Variants in CASS4 observed in about 807,000 individuals in gnomAD.
CASS4 encodes Cas scaffold protein family member 4.
In CASS4, 22 loss-of-function variants were observed where a neutral mutation model predicts 54.2. The ratio of observed to expected loss-of-function variants is 0.41; its 90% CI spans 0.29 to 0.58. The LOEUF is 0.58. Among genes scored for constraint, CASS4 ranks in the 20% least tolerant of loss-of-function variants. CASS4 has a pLI of 0.36. For synonymous variants in CASS4, 409 were observed against 391.5 expected, an observed-to-expected ratio of 1.04 and a Z score of -0.53; for missense variants, 854 against 986.7, an observed-to-expected ratio of 0.87 and a Z score of 1.80.
chr20:56,456,146 C>G (rs946519699), intron 5 of CASS4, among the ~76,000 whole-genome samples: 4 of 151,954 alleles, frequency 2.6e-5, no homozygotes, highest in Non-Finnish European at 5.9e-5. Context: ...CGTTGGCCAC[C>G]GGGTGGACAG....
intron 2 of CASS4, among the ~76,000 whole-genome samples, chr20:56,438,793 G>A (rs1294341713): frequency 6.6e-6 from 1 of 152,236 alleles, no homozygotes; most frequent in Non-Finnish European, 1.5e-5. Context: ...GGAGGGGAAG[G>A]TTGCAGTGAG....
At position 56,452,784 on chromosome 20, in the gene CASS4, C is replaced by T; in HGVS notation, c.1608C>T (p.Ser536=). ...SYRILLETKE[S]LDNRNWPLEV... ...GCATCCTGCTTGAAACAAAGGAAAG[C>T]TTGGATAATCGCAATTGGCCTCTGG... Residue 536 remains serine, a synonymous_variant, in exon 5 of 6, where the codon AGC becomes AGT. Coordinates refer to ENST00000679887, the MANE Select transcript of CASS4 (RefSeq NM_020356.4). 6.2e-7 allele frequency: 1 copy of T among 1,614,060 alleles called. No individual in the cohort carries two copies. Among genetic ancestry groups the T allele is most frequent in the Non-Finnish European group, 8.5e-7 (1 of 1,180,014 alleles).
chr20:56,444,538 G>A (rs1213489857), intron 2 of CASS4, among the ~76,000 whole-genome samples: 2 of 152,096 alleles, frequency 1.3e-5, no homozygotes, highest in Non-Finnish European at 1.5e-5. Flanking sequence ...AAAAATGTGC[G>A]CATTCCTAGT....
intron 1 of CASS4, among the ~76,000 whole-genome samples, chr20:56,418,877 C>T (rs908375737): frequency 6.6e-6 from 1 of 152,122 alleles, no homozygotes; most frequent in Non-Finnish European, 1.5e-5. Flanking sequence ...AGTGCCTGGT[C>T]CCCTTTCTCC....
upstream of CASS4, chr20:56,412,127 TTTC>T (rs895355576): frequency 3.3e-3 from 1,166 of 354,092 alleles, 10 homozygotes; most frequent in Non-Finnish European, 2.6e-3. This position sits in a 1 kb window ranked among gnomAD's most constrained non-coding sequence, Gnocchi z 4.2. Flanking sequence ...GTGGTGTTTT[TTTC>T]TTCTTCTTCT....
intron 1 of CASS4, among the ~76,000 whole-genome samples, chr20:56,425,021 A>G (rs921176135): frequency 2.6e-5 from 4 of 152,208 alleles, no homozygotes; most frequent in African/African-American, 9.7e-5. Flanking sequence ...CATCACACAC[A>G]TGCAACATGC....
At position 56,457,928 on chromosome 20, in the gene CASS4, T is replaced by A. The variant is rs185417721; in HGVS notation, c.1954-412T>A. On this transcript the variant is annotated intron_variant, in intron 5 of 5. Coordinates refer to ENST00000679887, the MANE Select transcript of CASS4 (RefSeq NM_020356.4). Reference sequence around the variant, plus strand: ...TACTCAGGAGGCTGAGGCAAGAGAATTGCTTGAACCCAGAAGGTGGAGGTT... The same window carrying A: ...TACTCAGGAGGCTGAGGCAAGAGAAATGCTTGAACCCAGAAGGTGGAGGTT... Among the ~76,000 whole-genome samples the A allele has an allele frequency of 3.9e-3, 587 of 150,804 alleles. 4 individuals are homozygous for A. The highest frequency in any genetic ancestry group is 0.013 in the African/African-American group (547 of 41,062).
At chr20:56,425,558 A>G (rs1979599958) in intron 1 of CASS4, among the ~76,000 whole-genome samples, 1 of 152,170 alleles carries the variant, frequency 6.6e-6, no homozygotes, top group East Asian at 1.9e-4. Flanking sequence ...GCATGTGGCA[A>G]ACTGCTTTTG....
chr20:56,442,004 C>T (rs1453710293), intron 2 of CASS4, among the ~76,000 whole-genome samples: 4 of 151,984 alleles, frequency 2.6e-5, no homozygotes, highest in Admixed American at 1.3e-4. Context: ...GCTAAACCCG[C>T]CCAGAAAATA....
At chr20:56,434,193 T>G (rs1980046805) in intron 1 of CASS4, among the ~76,000 whole-genome samples, 1 of 152,170 alleles carries the variant, frequency 6.6e-6, no homozygotes. Flanking sequence ...GGAGCCCTGA[T>G]GGTTTCCACC....
intron 3 of CASS4, among the ~76,000 whole-genome samples, chr20:56,447,629 C>G (rs1980780523): frequency 6.6e-6 from 1 of 152,224 alleles, no homozygotes; most frequent in South Asian, 2.1e-4. Flanking sequence ...ACCTGCAAGT[C>G]CCTCCAGGTG....
intron 1 of CASS4, among the ~76,000 whole-genome samples, chr20:56,435,200 C>T (rs924342603): frequency 7.9e-5 from 12 of 152,148 alleles, no homozygotes; most frequent in African/African-American, 2.2e-4. Flanking sequence ...TGGTATTTTT[C>T]AGCATTGGTC....
At chr20:56,417,667 G>A (rs951038245) in intron 1 of CASS4, among the ~76,000 whole-genome samples, 7 of 152,198 alleles carry the variant, frequency 4.6e-5, no homozygotes, top group Admixed American at 1.3e-4. Flanking sequence ...GTGTGTGAAC[G>A]AATGGGAGCT....
intron 1 of CASS4, among the ~76,000 whole-genome samples, chr20:56,417,340 G>C (rs1196006940): frequency 6.6e-6 from 1 of 152,292 alleles, no homozygotes; most frequent in African/African-American, 2.4e-5. Flanking sequence ...TCCTGCCTCA[G>C]TTCCTTCCCC....
At position 56,425,050 on chromosome 20, in the gene CASS4, C is replaced by A. The variant is rs906004870; in HGVS notation, c.37-12114C>A. Among the ~76,000 whole-genome samples, 9 of 152,220 alleles carry A rather than the reference C, an allele frequency of 5.9e-5. No individual in the cohort carries two copies. The East Asian group carries it at 1.7e-3, about 29-fold the overall frequency. On this transcript the variant is annotated intron_variant, in intron 1 of 5. Coordinates refer to ENST00000679887, the MANE Select transcript of CASS4 (RefSeq NM_020356.4). Reference sequence around the variant, plus strand: ...AACATGCAGCTACTGTGTCCTGATACTGCATATCCTAACTTTGGCCTTGGG... The same window carrying A: ...AACATGCAGCTACTGTGTCCTGATAATGCATATCCTAACTTTGGCCTTGGG...
chr20:56,438,470 A>G (rs546138371), intron 2 of CASS4, among the ~76,000 whole-genome samples: 2 of 152,114 alleles, frequency 1.3e-5, no homozygotes, highest in Non-Finnish European at 2.9e-5. Context: ...TTGGCATATC[A>G]CCACAACAAG....
chr20:56,445,867 C>T (rs774061958), intron 2 of CASS4, 33 bp from the exon 3 acceptor site: 2 of 1,500,152 alleles, frequency 1.3e-6, no homozygotes. Flanking sequence ...AGTGACATTT[C>T]CTTTTCCTCT....
intron 2 of CASS4, among the ~76,000 whole-genome samples, chr20:56,438,952 T>C (rs6024877): frequency 0.2 from 30,807 of 152,228 alleles, 6,405 homozygotes; most frequent in African/African-American, 0.51. Context: ...GAGAAGAACA[T>C]GCTCCAGGCA....
intron 3 of CASS4, 62 bp from the exon 4 acceptor site, chr20:56,450,537 C>A: frequency 6.9e-7 from 1 of 1,453,688 alleles, no homozygotes; most frequent in Admixed American, 1.7e-5. Context: ...AGGGAGTGTT[C>A]GTGATGTGTA....
Sources: allele counts gnomAD v4.1 joint callset (sites outside exome capture counted in the v4.1 genomes callset), GRCh38; gene constraint gnomAD v4.1.1; non-coding constraint Gnocchi (gnomAD v3.1); transcripts MANE v1.5; gene names NCBI Gene and HGNC (gene_info 2026-07-23, HGNC 2026-07-21).